ZDHHC7: variants seen among roughly 807,000 people sequenced by gnomAD.
ZDHHC7 encodes the protein palmitoyltransferase ZDHHC7.
Under a neutral mutation model 34.1 loss-of-function variants are expected in ZDHHC7, and 12 were observed. That is an observed-to-expected ratio of 0.35 (90% CI 0.23 to 0.57). The LOEUF (loss-of-function observed/expected upper bound fraction) is 0.57. Among genes scored for constraint, ZDHHC7 ranks in the 20% least tolerant of loss-of-function variants. The probability of loss-of-function intolerance (pLI) is 0.84; values close to 1 mark genes in which losing one functional copy is unlikely to be tolerated. For missense variants in ZDHHC7, 388 were observed against 402.7 expected (o/e 0.96, Z 0.31); for synonymous variants, 185 against 155.4 (o/e 1.19, Z -1.42).
chr16:84,977,871 T>C (rs1175175683), intron 6 of ZDHHC7, 53 bp downstream of exon 6: 2 of 1,408,250 alleles, frequency 1.4e-6, no homozygotes, highest in Admixed American at 2.0e-5. Context: ...CTTTCCCCTT[T>C]CATCCAATAA....
At chr16:85,015,241 A>T (rs2072829317), upstream of ZDHHC7, among the ~76,000 whole-genome samples, 1 of 151,742 alleles carries the variant, frequency 6.6e-6, no homozygotes, top group African/African-American at 2.4e-5. Context: ...CTGGGATTAC[A>T]GGCGCCCACC....
upstream of ZDHHC7, among the ~76,000 whole-genome samples, chr16:85,016,328 T>A (rs2072834026): frequency 6.6e-5 from 10 of 151,774 alleles, no homozygotes; most frequent in South Asian, 1.9e-3. Context: ...GGCCAAAAAT[T>A]TTATTTTTGG....
At chr16:85,005,167 C>T (rs774972431) in intron 1 of ZDHHC7, among the ~76,000 whole-genome samples, 1 of 152,192 alleles carries the variant, frequency 6.6e-6, no homozygotes, top group Non-Finnish European at 1.5e-5. Flanking sequence ...AGTTCCAAAC[C>T]TCATTAAGCA....
At chr16:85,009,929 C>T (rs946035197) in intron 1 of ZDHHC7, among the ~76,000 whole-genome samples, 2 of 151,876 alleles carry the variant, frequency 1.3e-5, no homozygotes, top group Non-Finnish European at 2.9e-5. Flanking sequence ...AGGATGGTCT[C>T]GATCTCCCGA....
At chr16:84,984,843 T>C (rs1489388357) in intron 3 of ZDHHC7, among the ~76,000 whole-genome samples, 1 of 152,106 alleles carries the variant, frequency 6.6e-6, no homozygotes, top group African/African-American at 2.4e-5. Flanking sequence ...GAGATGTGGT[T>C]TGGCAGAAAC....
chr16:84,976,147 G>A lies in ZDHHC7; in HGVS notation c.*196C>T. The A allele has an allele frequency of 8.8e-6, 6 of 681,062 alleles. No homozygotes were observed. The highest frequency in any genetic ancestry group is 1.4e-5 in the Non-Finnish European group (6 of 420,702). 42.2% of individuals were successfully genotyped at this position (681,062 alleles called of 1,614,324 possible). A position where few individuals can be genotyped will look rare whatever the true frequency, so the allele number is the denominator to read the frequency against. ...TCGTGTGGCCACACACCTTTCCGTT[G>A]TTGTACAGGTGGGGACTGAGAGCCT... On this transcript the variant is annotated 3_prime_UTR_variant, in exon 8 of 8. Transcript: ENST00000313732.
At chr16:85,013,789 G>C (rs867875617), upstream of ZDHHC7, among the ~76,000 whole-genome samples, 11 of 152,130 alleles carry the variant, frequency 7.2e-5, no homozygotes, top group African/African-American at 2.7e-4. Flanking sequence ...CTGGGTTCAA[G>C]CAATTCTCCT....
At chr16:84,978,642 C>T (rs2072328683) in intron 5 of ZDHHC7, among the ~76,000 whole-genome samples, 1 of 151,974 alleles carries the variant, frequency 6.6e-6, no homozygotes, top group Non-Finnish European at 1.5e-5. Flanking sequence ...GTGGGCGGAT[C>T]GCCTGAGGTC....
At chr16:85,007,767 T>C (rs2072737142) in intron 1 of ZDHHC7, among the ~76,000 whole-genome samples, 1 of 152,090 alleles carries the variant, frequency 6.6e-6, no homozygotes, top group Admixed American at 6.5e-5. Context: ...GACAGTCATT[T>C]GTCAATGGCA....
chr16:84,989,369 T>C (rs2072478303), intron 3 of ZDHHC7, among the ~76,000 whole-genome samples: 2 of 152,184 alleles, frequency 1.3e-5, no homozygotes, highest in South Asian at 4.1e-4. Flanking sequence ...GCAGACCACA[T>C]TCTGTGAGCT....
chr16:85,020,162 G>A, the ZDHHC7 span, among the ~76,000 whole-genome samples: 8 of 152,332 alleles, frequency 5.3e-5, no homozygotes, highest in African/African-American at 1.2e-4. Context: ...CCTTAGGCAC[G>A]GGTCTCCTAC....
At chr16:84,994,716 A>G (rs1597550691) in intron 2 of ZDHHC7, among the ~76,000 whole-genome samples, 1 of 152,222 alleles carries the variant, frequency 6.6e-6, no homozygotes, top group Non-Finnish European at 1.5e-5. Context: ...CCATGGCAGG[A>G]CGTTCCTATA....
At chr16:85,001,964 T>C (rs2072658846) in intron 1 of ZDHHC7, among the ~76,000 whole-genome samples, 1 of 152,080 alleles carries the variant, frequency 6.6e-6, no homozygotes, top group Non-Finnish European at 1.5e-5. Flanking sequence ...GCATCTTGTA[T>C]TGCCAGAGAA....
chr16:85,013,019 T>G (rs537965911), upstream of ZDHHC7, among the ~76,000 whole-genome samples: 3 of 152,330 alleles, frequency 2.0e-5, no homozygotes, highest in African/African-American at 7.2e-5. Flanking sequence ...GGAAAAGTTC[T>G]CTTTATCCTC....
intron 1 of ZDHHC7, among the ~76,000 whole-genome samples, chr16:85,005,276 T>C (rs1316660922): frequency 2.0e-5 from 3 of 152,222 alleles, no homozygotes; most frequent in African/African-American, 4.8e-5. Flanking sequence ...AATGAGCTTT[T>C]ATAATGCCAG....
At chr16:85,025,651 G>A in the ZDHHC7 span, among the ~76,000 whole-genome samples, 5 of 152,134 alleles carry the variant, frequency 3.3e-5, no homozygotes, top group East Asian at 3.9e-4. Flanking sequence ...CTCATGATCC[G>A]CCCGCCTCGA....
intron 1 of ZDHHC7, among the ~76,000 whole-genome samples, chr16:85,006,277 T>G (rs991456512): frequency 2.6e-5 from 4 of 152,160 alleles, no homozygotes; most frequent in Non-Finnish European, 4.4e-5. Flanking sequence ...GAGGATTACT[T>G]GAGCCCAGGC....
At position 84,979,305 on chromosome 16, in the gene ZDHHC7, T is replaced by A; in HGVS notation, c.441-20A>T. The A allele has an allele frequency of 6.2e-7, 1 of 1,606,110 alleles. No homozygotes were observed. The highest frequency in any genetic ancestry group is 8.5e-7 in the Non-Finnish European group (1 of 1,178,172). ...CAAATACTGAAAAGGAGAGTTTGAT[T>A]TTTCAGTATTCCATGCTCTGAGGAA... On this transcript the variant is annotated intron_variant, in intron 4 of 7. Transcript: ENST00000313732.
chr16:84,996,970 A>C (rs1200789519), intron 1 of ZDHHC7, among the ~76,000 whole-genome samples: 1 of 151,710 alleles, frequency 6.6e-6, no homozygotes, highest in Non-Finnish European at 1.5e-5. Context: ...AGGTTGCAGT[A>C]AGCCAAGATG....
Sources: allele counts gnomAD v4.1 joint callset (sites outside exome capture counted in the v4.1 genomes callset), GRCh38; gene constraint gnomAD v4.1.1; transcripts MANE v1.5; gene names NCBI Gene and HGNC (gene_info 2026-07-23, HGNC 2026-07-21).